Variants in ZNF337 observed in about 807,000 individuals in gnomAD.
ZNF337 encodes zinc finger protein 337.
ZNF337 carries 8 observed loss-of-function variants against 12.1 expected under a neutral mutation model. That is an observed-to-expected ratio of 0.66 (90% confidence interval 0.39 to 1.19). The LOEUF (loss-of-function observed/expected upper bound fraction) is 1.19, where lower values mean the gene tolerates loss of function less well. Among genes scored for constraint, ZNF337 ranks in the 50% most tolerant of loss-of-function variants. The pLI, the probability that ZNF337 is intolerant of heterozygous loss-of-function variation, is 0.01. For synonymous variants in ZNF337, 336 were observed against 320.0 expected (o/e 1.05, Z -0.53); for missense variants, 882 against 896.6 (o/e 0.98, Z 0.21).
Position 25,686,647 on chromosome 20 carries a change from C to T in ZNF337, c.-49-181G>A, listed in dbSNP as rs902913132. ...CCCTGCAAATCCAGGACAAGCTCAT[C>T]TGGGAGTGAAGTGTGCCCCAGGAGC... On this transcript the variant is annotated intron_variant, in intron 1 of 4. Coordinates refer to ENST00000252979, the MANE Select transcript of ZNF337 (RefSeq NM_015655.4). The T allele has an allele frequency of 4.0e-5, 23 of 569,464 alleles. No individual in the cohort carries two copies. The South Asian group carries it at 4.9e-4, about 12-fold the overall frequency. 35.3% of individuals were successfully genotyped at this position (569,464 alleles called of 1,614,324 possible).
intron 1 of ZNF337, among the ~76,000 whole-genome samples, chr20:25,688,578 A>G (rs962756212): frequency 5.9e-5 from 9 of 152,242 alleles, no homozygotes; most frequent in Non-Finnish European, 1.3e-4. Context: ...TGTTTCATTA[A>G]GGGAAATTCT....
At position 25,675,201 on chromosome 20, in the gene ZNF337, C is replaced by G; in HGVS notation, c.2087G>C (p.Ser696Thr). 1 of 1,614,270 alleles carries G rather than the reference C, an allele frequency of 6.2e-7. No homozygotes were observed. The highest frequency in any genetic ancestry group is 8.5e-7 in the Non-Finnish European group (1 of 1,180,052). The change falls in exon 5 of 5, where the codon AGT becomes ACT. Residue 696 changes from serine to threonine, a missense_variant. Transcript: ENST00000252979. ...VCQECKRGYT[S>T]KSDLTVHERI... ...TTCATGCACAGTGAGGTCTGACTTA[C>G]TGGTATAGCCTCGCTTACACTCCTG... is the stretch of plus-strand genomic sequence containing the variant.
At chr20:25,696,245 T>G (rs1600457485) in intron 1 of ZNF337, among the ~76,000 whole-genome samples, 2 of 151,956 alleles carry the variant, frequency 1.3e-5, no homozygotes, top group African/African-American at 4.8e-5. Flanking sequence ...TCCTCCCCTG[T>G]CCCGCCTCCC....
At position 25,674,748 on chromosome 20, in the gene ZNF337, A is replaced by G; in HGVS notation, c.*284T>C. 3 of 438,540 alleles carry G rather than the reference A, an allele frequency of 6.8e-6. No homozygotes were observed. In the South Asian group the frequency reaches 9.0e-5, roughly 13 times the overall value. The allele number at this position is 438,540 out of a possible 1,614,324, so 27.2% of individuals were successfully genotyped here. A position where few individuals can be genotyped will look rare whatever the true frequency, so the allele number is the denominator to read the frequency against. ...CAGTCCTTAGAAAGCACAGCCTGGC[A>G]CAAATACAACAAGAATATGTGCTCA... On this transcript the variant is annotated 3_prime_UTR_variant, in exon 5 of 5. Coordinates refer to ENST00000252979, the MANE Select transcript of ZNF337 (RefSeq NM_015655.4).
chr20:25,682,834 T>G (rs1376686425), intron 4 of ZNF337, among the ~76,000 whole-genome samples: 2 of 136,958 alleles, frequency 1.5e-5, no homozygotes, highest in Non-Finnish European at 3.0e-5. Context: ...AAACTCCGAC[T>G]CAAAAAAAAA....
Position 25,674,974 on chromosome 20 carries a change from GT to G in ZNF337, c.*57del. 2 of 1,512,830 alleles carry G rather than the reference GT, an allele frequency of 1.3e-6. No individual in the cohort carries two copies. The highest frequency in any genetic ancestry group is 1.8e-6 in the Non-Finnish European group (2 of 1,108,930). The allele number at this position is 1,512,830 out of a possible 1,614,324, so 93.7% of individuals were successfully genotyped here. ...AGTTATGCAGCCTCAACTAAAGCTT[GT>G]AACAAAGCAAAGTTACTCTCCTGAG... On this transcript the variant is annotated 3_prime_UTR_variant, in exon 5 of 5. Coordinates refer to ENST00000252979, the MANE Select transcript of ZNF337 (RefSeq NM_015655.4).
intron 4 of ZNF337, chr20:25,680,857 C>T (rs1005457106): frequency 4.6e-5 from 7 of 152,226 alleles, no homozygotes; most frequent in South Asian, 4.1e-4. Context: ...AAAATCCTAA[C>T]ATATGCTCCC....
chr20:25,676,328 A>G lies in ZNF337; in HGVS notation c.960T>C (p.Phe320=). 7 of 1,614,142 alleles carry G rather than the reference A, an allele frequency of 4.3e-6. No individual in the cohort carries two copies. Among genetic ancestry groups the G allele is most frequent in the Middle Eastern group, 3.3e-4 (2 of 6,062 alleles). The change falls in exon 5 of 5, where the codon TTT becomes TTC. Residue 320 remains phenylalanine, a synonymous_variant. Transcript: ENST00000252979. ...AGCCTCGCCCACACTCCTTGCACAC[A>G]AAAGGCTTCTCCCCTGAATGCGCCT... ...HLKAHSGEKP[F]VCKECGRGYT... is the part of the protein sequence containing the mutation.
In ZNF337 at chr20:25,675,577, GC is replaced by G. The variant is rs745805347; in HGVS notation, c.1710del (p.Arg570SerfsTer14). 1 of 1,613,910 alleles carries G rather than the reference GC, an allele frequency of 6.2e-7. No homozygotes were observed. Among genetic ancestry groups the G allele is most frequent in the African/African-American group, 1.3e-5 (1 of 74,942 alleles). On this transcript the variant is annotated frameshift_variant, in exon 5 of 5. Coordinates refer to ENST00000252979, the MANE Select transcript of ZNF337 (RefSeq NM_015655.4). LOFTEE classifies it low-confidence loss of function (END_TRUNC). ...CGCCCGCAATCCTTGCAATTAAATG[GC>G]CTTTCCCCCGAGTGTGTCCACTGAT... is the stretch of plus-strand genomic sequence containing the variant. Reference protein sequence around the residue: ...LRHQWTHSGERPFNCKDCGRG... With the variant: ...LRHQWTHSGEXPFNCKDCGRG...
intron 1 of ZNF337, among the ~76,000 whole-genome samples, chr20:25,689,679 C>G (rs1178671912): frequency 6.6e-6 from 1 of 152,170 alleles, no homozygotes; most frequent in African/African-American, 2.4e-5. Context: ...AACAAGACAT[C>G]TGGATTTGTT....
Position 25,676,493 on chromosome 20 carries a change from C to T in ZNF337, c.795G>A (p.Leu265=), listed in dbSNP as rs201020258. ...QRTHSGEKPF[L]CKVCGRGYTS... is the part of the protein sequence containing the mutation. ...TATAGCCTCGTCCACACACCTTGCA[C>T]AGAAAAGGCTTCTCTCCTGAGTGTG... Residue 265 remains leucine, a synonymous_variant, in exon 5 of 5, where the codon CTG becomes CTA. Coordinates refer to ENST00000252979, the MANE Select transcript of ZNF337 (RefSeq NM_015655.4). 5.0e-6 allele frequency: 8 copies of T among 1,613,158 alleles called. No homozygotes were observed. The African/African-American group carries it at 6.7e-5, about 13-fold the overall frequency.
In ZNF337 at chr20:25,676,379, A is replaced by G. The variant is rs200404938; in HGVS notation, c.909T>C (p.Asp303=). 4.3e-6 allele frequency: 7 copies of G among 1,614,142 alleles called. No individual in the cohort carries two copies. In the South Asian group the frequency reaches 7.7e-5, roughly 18 times the overall value. Residue 303 remains aspartate (D), a synonymous_variant, in exon 5 of 5, where the codon GAT becomes GAC. Coordinates refer to ENST00000252979, the MANE Select transcript of ZNF337 (RefSeq NM_015655.4). The part of the protein sequence containing the change: ...ECQECGRRFN[D]KSSYNKHLKA... ...TCAAGTGCTTGTTGTATGAGGACTTATCGTTAAACCTTCGCCCACACTCCT... is the reference window on the plus strand; with the variant it reads ...TCAAGTGCTTGTTGTATGAGGACTTGTCGTTAAACCTTCGCCCACACTCCT...
chr20:25,687,749 AT>A (rs2065847631), intron 1 of ZNF337, among the ~76,000 whole-genome samples: 1 of 152,274 alleles, frequency 6.6e-6, no homozygotes, highest in Non-Finnish European at 1.5e-5. Context: ...TGCACACCGT[AT>A]CTTATGTAAA....
chr20:25,686,113 C>T lies in ZNF337; in HGVS notation c.37G>A (p.Ala13Thr). Residue 13 changes from alanine (A) to threonine (T), a missense_variant, in exon 3 of 5, where the codon GCA (alanine) becomes ACA (threonine). Coordinates refer to ENST00000252979, the MANE Select transcript of ZNF337 (RefSeq NM_015655.4). ...AAATCCACAGTGACATCCCCAAATG[C>T]CAAGAAAGCCTGTAACACAAAACCC... ...PQGARRQAFL[A>T]FGDVTVDFTQ... 1 of 1,613,976 alleles carries T rather than the reference C, an allele frequency of 6.2e-7. No individual in the cohort carries two copies. Among genetic ancestry groups the T allele is most frequent in the Non-Finnish European group, 8.5e-7 (1 of 1,179,980 alleles).
In ZNF337 at chr20:25,673,733, C is replaced by A. The variant is rs2065641856; in HGVS notation, c.*1299G>T. 6.6e-6 allele frequency: 1 copy of A among 152,282 alleles called. No homozygotes were observed. The highest frequency in any genetic ancestry group is 1.9e-4 in the East Asian group (1 of 5,184). 9.4% of individuals were successfully genotyped at this position (152,282 alleles called of 1,614,324 possible). The stretch of plus-strand genomic sequence containing the variant: ...GCCTTGTAAGCACTCACCAGGGAGT[C>A]CTGGTTTACTTAACCATTAACTGTT... On this transcript the variant is annotated 3_prime_UTR_variant, in exon 5 of 5. Transcript: ENST00000252979.
At chr20:25,681,914 T>C (rs947782562) in intron 4 of ZNF337, among the ~76,000 whole-genome samples, 7 of 152,182 alleles carry the variant, frequency 4.6e-5, no homozygotes, top group Non-Finnish European at 1.0e-4. Flanking sequence ...GATGGACTTA[T>C]GGATGGAGAG....
At chr20:25,679,359 CAAAGG>C (rs1274404394) in intron 4 of ZNF337, among the ~76,000 whole-genome samples, 2 of 151,978 alleles carry the variant, frequency 1.3e-5, no homozygotes, top group Non-Finnish European at 2.9e-5. Context: ...TTCTGTACAG[CAAAGG>C]AAAGTATCAA....
rs2065673605 is a variant in ZNF337, at chr20:25,675,683, C to T, written c.1605G>A (p.Gln535=). The change falls in exon 5 of 5, where the codon CAG becomes CAA. Residue 535 remains glutamine, a synonymous_variant. Transcript: ENST00000252979. The part of the protein sequence containing the change: ...FTLKPNLTIH[Q]RTHSGEKPFM... ...AGGGCTTCTCTCCTGAGTGTGTCCTCTGATGTATGGTGAGATTTGGCTTCA... is the reference window on the plus strand; with the variant it reads ...AGGGCTTCTCTCCTGAGTGTGTCCTTTGATGTATGGTGAGATTTGGCTTCA... The T allele has an allele frequency of 6.2e-7, 1 of 1,614,074 alleles. No individual in the cohort carries two copies. Among genetic ancestry groups the T allele is most frequent in the South Asian group, 1.1e-5 (1 of 91,092 alleles).
rs1883433648 is a variant in ZNF337 at position 25,676,505 on chromosome 20, C to T, written c.783G>A (p.Glu261=). 1 of 1,614,002 alleles carries T rather than the reference C, an allele frequency of 6.2e-7. No homozygotes were observed. The highest frequency in any genetic ancestry group is 1.7e-5 in the Admixed American group (1 of 60,002). The change falls in exon 5 of 5, where the codon GAG becomes GAA. Residue 261 remains glutamate, a synonymous_variant. Coordinates refer to ENST00000252979, the MANE Select transcript of ZNF337 (RefSeq NM_015655.4). ...LLRHQRTHSG[E]KPFLCKVCGR... ...CACACACCTTGCACAGAAAAGGCTT[C>T]TCTCCTGAGTGTGTCCTCTGGTGTC... is the stretch of plus-strand genomic sequence containing the variant.
Sources: gnomAD v4.1 joint callset for allele counts (sites outside exome capture counted in the v4.1 genomes callset) on GRCh38, gnomAD v4.1.1 for gene constraint, MANE v1.5 for transcripts, NCBI Gene and HGNC (gene_info 2026-07-23, HGNC 2026-07-21) for gene names.